Variants in PTPRN2 observed in about 807,000 individuals in gnomAD.
The protein encoded by PTPRN2 is receptor-type tyrosine-protein phosphatase N2.
Under a neutral mutation model 118.8 loss-of-function variants are expected in PTPRN2, and 74 were observed. That is an observed-to-expected ratio of 0.62 (90% CI 0.52 to 0.76). PTPRN2 has a LOEUF of 0.76. Among genes scored for constraint, PTPRN2 ranks in the 30% least tolerant of loss-of-function variants. The probability of loss-of-function intolerance (pLI) is 0.00; values close to 1 mark genes in which losing one functional copy is unlikely to be tolerated. For missense variants in PTPRN2, 1,481 were observed against 1,394.4 expected (o/e 1.06, Z -0.99); for synonymous variants, 641 against 608.0 (o/e 1.05, Z -0.80).
intron 1 of PTPRN2, among the ~76,000 whole-genome samples, chr7:158,553,469 AGTCTACACCACCTTTCCT>A (rs1826792958): frequency 1.3e-5 from 2 of 150,410 alleles, no homozygotes; most frequent in Admixed American, 6.6e-5. Context: ...CAGGCTTGGG[AGTCTACACCACCTTTCCT>A]GTCTACACCA....
In PTPRN2 at chr7:158,167,201, C is replaced by T. The variant is rs144856548; in HGVS notation, c.640G>A (p.Glu214Lys). The T allele has an allele frequency of 4.2e-3, 6,702 of 1,613,624 alleles. 15 individuals are homozygous for T. Among genetic ancestry groups the T allele is most frequent in the Non-Finnish European group, 5.1e-3 (6,055 of 1,179,908 alleles). Residue 214 changes from glutamate to lysine, a missense_variant, in exon 6 of 23, where the codon GAG becomes AAG. Glu to Lys is a moderately conservative substitution (Grantham distance 56, BLOSUM62 1). Transcript: ENST00000389418. The part of the protein sequence containing the change: ...YPPGSRTQLR[E>K]DLLPRTLGQL... ...CCGAGGGTCCGCGGCAGGAGGTCCT[C>T]GCGGAGCTGGGTCCGGGACCCGGGA... is the stretch of plus-strand genomic sequence containing the variant.
rs1249527895 is a variant in PTPRN2, at chr7:157,587,082, AC to A, written c.2496+8155del. ...TGGAATCCAGGCCTGCCATCTTCCC[AC>A]CCACCCCTGCCTGGACTAGTGCAGT... On this transcript the variant is annotated intron_variant, in intron 17 of 22. Coordinates refer to ENST00000389418, the MANE Select transcript of PTPRN2 (RefSeq NM_002847.5). The surrounding 1 kb of genome is among the most constrained non-coding windows in gnomAD (Gnocchi z 5.3). Among the ~76,000 whole-genome samples, 1 of 151,990 alleles carries A rather than the reference AC, an allele frequency of 6.6e-6. No individual in the cohort carries two copies. The highest frequency in any genetic ancestry group is 2.4e-5 in the African/African-American group (1 of 41,354).
chr7:158,171,212 TAC>T (rs1301941329), intron 5 of PTPRN2, among the ~76,000 whole-genome samples: 1 of 133,016 alleles, frequency 7.5e-6, no homozygotes, highest in Non-Finnish European at 1.6e-5. Context: ...ACACTATATA[TAC>T]ACACATATAT....
chr7:157,701,332 G>A (rs370301459), intron 12 of PTPRN2, among the ~76,000 whole-genome samples: 30 of 152,268 alleles, frequency 2.0e-4, no homozygotes, highest in African/African-American at 5.3e-4. Context: ...TCTGAGCTCC[G>A]CGGGTCTCCG....
chr7:157,711,668 C>G (rs1351324400), intron 12 of PTPRN2, among the ~76,000 whole-genome samples: 1 of 152,126 alleles, frequency 6.6e-6, no homozygotes, highest in Non-Finnish European at 1.5e-5. Flanking sequence ...GGGCCTAGGC[C>G]TGAGGACAAG....
intron 2 of PTPRN2, among the ~76,000 whole-genome samples, chr7:158,341,952 T>A (rs76720002): frequency 0.032 from 910 of 28,430 alleles, no homozygotes; most frequent in African/African-American, 0.094. Flanking sequence ...ATAAGAGCTG[T>A]CGCCCGCAGA....
At chr7:158,236,695 C>T (rs1307840454) in intron 3 of PTPRN2, among the ~76,000 whole-genome samples, 1 of 152,202 alleles carries the variant, frequency 6.6e-6, no homozygotes, top group African/African-American at 2.4e-5. Flanking sequence ...CCCGGTGCAA[C>T]CTGTCCCCGC....
chr7:157,882,829 T>G (rs1382977977), intron 12 of PTPRN2, among the ~76,000 whole-genome samples: 2 of 145,090 alleles, frequency 1.4e-5, no homozygotes, highest in Non-Finnish European at 3.0e-5. Context: ...CCAAAATGAC[T>G]GTCGGAGATA....
chr7:157,833,394 G>T (rs368483229), intron 12 of PTPRN2, among the ~76,000 whole-genome samples: 12 of 151,028 alleles, frequency 7.9e-5, no homozygotes, highest in African/African-American at 2.9e-4. Context: ...AGTGTGTGAC[G>T]TGGGGGGCGC....
At chr7:158,328,841 A>C in intron 2 of PTPRN2, among the ~76,000 whole-genome samples, 1 of 141,498 alleles carries the variant, frequency 7.1e-6, no homozygotes, top group African/African-American at 2.7e-5. Context: ...GGGACAGTAA[A>C]TCCAGGAGAT....
chr7:157,849,006 C>T (rs1809078935), intron 12 of PTPRN2, among the ~76,000 whole-genome samples: 1 of 152,226 alleles, frequency 6.6e-6, no homozygotes, highest in Non-Finnish European at 1.5e-5. Context: ...TCCTGATCCA[C>T]AAGCTCTGAA....
At chr7:157,575,179 C>T (rs1399411281) in intron 19 of PTPRN2, among the ~76,000 whole-genome samples, 5 of 152,110 alleles carry the variant, frequency 3.3e-5, no homozygotes, top group African/African-American at 9.7e-5. Context: ...AACGCAAAGA[C>T]GGGGTGTTAA....
chr7:158,333,907 C>T (rs1339007847), intron 2 of PTPRN2, among the ~76,000 whole-genome samples: 8 of 138,838 alleles, frequency 5.8e-5, no homozygotes, highest in Middle Eastern at 4.3e-3. Context: ...CACCCGCAGA[C>T]GTCACTCACA....
chr7:157,684,391 G>C (rs1049713241), intron 12 of PTPRN2, among the ~76,000 whole-genome samples: 2 of 146,532 alleles, frequency 1.4e-5, no homozygotes, highest in Non-Finnish European at 3.0e-5. Flanking sequence ...GGGAGGGAGA[G>C]GGAAAGGGGG....
chr7:157,663,946 A>G (rs1412987504), intron 13 of PTPRN2, among the ~76,000 whole-genome samples: 2 of 152,252 alleles, frequency 1.3e-5, no homozygotes, highest in East Asian at 3.8e-4. Context: ...AGCCAGTGCC[A>G]ACGAGACAAA....
chr7:157,816,587 G>A (rs1252961120), intron 12 of PTPRN2, among the ~76,000 whole-genome samples: 3 of 152,226 alleles, frequency 2.0e-5, no homozygotes, highest in African/African-American at 7.2e-5. Flanking sequence ...TCTTTTTACT[G>A]TCCACTGCCT....
Position 157,615,839 on chromosome 7 carries a change from G to A in PTPRN2, c.2344+5523C>T, listed in dbSNP as rs1802738340. The A allele has an allele frequency of 5.6e-6, 2 of 355,884 alleles. No individual in the cohort carries two copies. The highest frequency in any genetic ancestry group is 7.5e-5 in the Admixed American group (2 of 26,708). 22.0% of individuals were successfully genotyped at this position (355,884 alleles called of 1,614,324 possible). On this transcript the variant is annotated intron_variant, in intron 15 of 22. Coordinates refer to ENST00000389418, the MANE Select transcript of PTPRN2 (RefSeq NM_002847.5). This position sits in a 1 kb window ranked among gnomAD's most constrained non-coding sequence, Gnocchi z 4.3. ...CCAACGGGGGGTGGGGGGTGCGCGA[G>A]GCCCTGGGCTCCACCGAAGACCTTA...
chr7:158,256,290 T>C (rs1039228948), intron 3 of PTPRN2, among the ~76,000 whole-genome samples: 3 of 151,970 alleles, frequency 2.0e-5, no homozygotes, highest in Non-Finnish European at 4.4e-5. Context: ...GCCGACTGGC[T>C]GAGGAAAGTG....
chr7:158,251,839 A>G (rs776166588), intron 3 of PTPRN2, among the ~76,000 whole-genome samples: 8 of 152,142 alleles, frequency 5.3e-5, no homozygotes, highest in Non-Finnish European at 1.0e-4. Context: ...TAAAGCCCAG[A>G]GTATGCTCAG....
Sources: allele counts gnomAD v4.1 joint callset (sites outside exome capture counted in the v4.1 genomes callset), GRCh38; gene constraint gnomAD v4.1.1; non-coding constraint Gnocchi (gnomAD v3.1); transcripts MANE v1.5; gene names NCBI Gene and HGNC (gene_info 2026-07-23, HGNC 2026-07-21).